Variants in COBL observed in about 807,000 individuals in gnomAD.
The protein encoded by COBL is protein cordon-bleu.
In COBL, 51 loss-of-function variants were observed where a neutral mutation model predicts 98.8. The ratio of observed to expected loss-of-function variants is 0.52; its 90% confidence interval spans 0.41 to 0.65. The LOEUF (loss-of-function observed/expected upper bound fraction) is 0.65, where lower values mean the gene tolerates loss of function less well. COBL is among the 30% of genes least tolerant of loss of function. COBL has a pLI of 0.00. For synonymous variants in COBL, 634 were observed against 651.7 expected (o/e 0.97, Z 0.41); for missense variants, 1,617 against 1,617.5 (o/e 1.00, Z 0.01).
intron 7 of COBL, among the ~76,000 whole-genome samples, chr7:51,080,825 C>G (rs1460975946): frequency 6.6e-6 from 1 of 152,176 alleles, no homozygotes; most frequent in Non-Finnish European, 1.5e-5. Flanking sequence ...TCACACCCAG[C>G]ACTCAGGCGC....
chr7:51,186,600 C>A (rs1384829261), intron 4 of COBL, among the ~76,000 whole-genome samples: 1 of 152,212 alleles, frequency 6.6e-6, no homozygotes, highest in Non-Finnish European at 1.5e-5. Context: ...CCAGGACAGC[C>A]CCGGCACCAG....
intron 1 of COBL, among the ~76,000 whole-genome samples, chr7:51,264,359 A>G (rs1169968229): frequency 2.0e-5 from 3 of 152,154 alleles, no homozygotes; most frequent in Non-Finnish European, 4.4e-5. Context: ...ACATAATTGC[A>G]AAACAAAATA....
intron 1 of COBL, among the ~76,000 whole-genome samples, chr7:51,244,352 G>A (rs1045976291): frequency 3.9e-5 from 6 of 152,154 alleles, no homozygotes; most frequent in Admixed American, 3.3e-4. Flanking sequence ...ATCCACCAAG[G>A]CATAAACAGA....
At chr7:51,067,874 T>C (rs1381618721) in intron 7 of COBL, among the ~76,000 whole-genome samples, 1 of 152,348 alleles carries the variant, frequency 6.6e-6, no homozygotes, top group Non-Finnish European at 1.5e-5. Flanking sequence ...GGCTGAAATG[T>C]GCGGGTAAAG....
At chr7:51,204,098 C>T (rs1291462694) in intron 2 of COBL, among the ~76,000 whole-genome samples, 1 of 152,176 alleles carries the variant, frequency 6.6e-6, no homozygotes, top group African/African-American at 2.4e-5. Flanking sequence ...TGATACAACA[C>T]ATCAACACAA....
At chr7:51,172,653 T>C (rs937828445) in intron 5 of COBL, 10 of 483,834 alleles carry the variant, frequency 2.1e-5, no homozygotes, top group East Asian at 9.0e-5. Flanking sequence ...CTTCACTTAA[T>C]AGGTGTAATC....
At chr7:51,273,327 CAAAA>C (rs953811880) in intron 1 of COBL, among the ~76,000 whole-genome samples, 3 of 59,472 alleles carry the variant, frequency 5.0e-5, no homozygotes, top group African/African-American at 1.5e-4. Flanking sequence ...GACTCCATCT[CAAAA>C]AAAAAAAAAA....
At chr7:51,101,523 A>C (rs1319241902) in intron 6 of COBL, among the ~76,000 whole-genome samples, 1 of 152,232 alleles carries the variant, frequency 6.6e-6, no homozygotes, top group Non-Finnish European at 1.5e-5. Context: ...GTTTGACTCT[A>C]AGCCCATCCT....
intron 1 of COBL, among the ~76,000 whole-genome samples, chr7:51,302,307 C>T (rs111697763): frequency 0.012 from 1,822 of 152,122 alleles, 41 homozygotes; most frequent in African/African-American, 0.042. Flanking sequence ...CTGGACTGGG[C>T]GCAGTGGCTC....
In COBL at chr7:51,081,258, G is replaced by A. The variant is rs534894711; in HGVS notation, c.1096+3908C>T. On this transcript the variant is annotated intron_variant, in intron 7 of 12. Transcript: ENST00000265136. Reference sequence around the variant, plus strand: ...CCCCCAACTCCATTGCTGTGGGCATGAGAGGGGAAGAGAGGGAGAAGGTGA... The same window carrying A: ...CCCCCAACTCCATTGCTGTGGGCATAAGAGGGGAAGAGAGGGAGAAGGTGA... 2.0e-4 allele frequency among the ~76,000 whole-genome samples: 31 copies of A among 152,322 alleles called. No homozygotes were observed. In the South Asian group the frequency reaches 6.2e-3, roughly 31 times the overall value.
intron 4 of COBL, among the ~76,000 whole-genome samples, chr7:51,186,133 G>C (rs888901007): frequency 1.3e-5 from 2 of 152,238 alleles, no homozygotes; most frequent in African/African-American, 4.8e-5. Context: ...GGAAAACAGA[G>C]CACACAGTTA....
At chr7:51,046,066 G>C (rs890465913) in intron 7 of COBL, among the ~76,000 whole-genome samples, 1 of 61,292 alleles carries the variant, frequency 1.6e-5, no homozygotes. Flanking sequence ...AGGTGGGGGT[G>C]GGGGGGCCTG....
chr7:51,162,967 G>A (rs930015067), intron 5 of COBL, among the ~76,000 whole-genome samples: 2 of 152,220 alleles, frequency 1.3e-5, no homozygotes, highest in Non-Finnish European at 2.9e-5. Flanking sequence ...AGCAAGAAGT[G>A]CTAAGCTAAG....
chr7:51,286,850 A>T (rs558441554), intron 1 of COBL, among the ~76,000 whole-genome samples: 44 of 152,354 alleles, frequency 2.9e-4, no homozygotes, highest in African/African-American at 1.0e-3. Context: ...AAAGACATGG[A>T]ATCAACCTAA....
At chr7:51,196,912 C>G (rs1790646675) in intron 2 of COBL, among the ~76,000 whole-genome samples, 1 of 151,808 alleles carries the variant, frequency 6.6e-6, no homozygotes, top group South Asian at 2.1e-4. Context: ...TACATCTCCT[C>G]TCTTTTCTTC....
intron 5 of COBL, among the ~76,000 whole-genome samples, chr7:51,173,127 A>G (rs552744534): frequency 1.3e-5 from 2 of 152,134 alleles, no homozygotes; most frequent in South Asian, 4.2e-4. Context: ...GCCTGAAGTG[A>G]TGGAGTTAGG....
At chr7:51,073,982 T>A (rs975571285) in intron 7 of COBL, among the ~76,000 whole-genome samples, 4 of 152,156 alleles carry the variant, frequency 2.6e-5, no homozygotes, top group Non-Finnish European at 5.9e-5. Context: ...AGTGGGAGAC[T>A]GACCTGTGGT....
chr7:51,238,774 T>A (rs2129118258), intron 1 of COBL, among the ~76,000 whole-genome samples: 1 of 152,244 alleles, frequency 6.6e-6, no homozygotes, highest in South Asian at 2.1e-4. Context: ...TGACCCTGAC[T>A]GCTGTCTCCT....
In COBL at chr7:51,191,272, T is replaced by C. The variant is rs760670635; in HGVS notation, c.457-194A>G. 4.6e-5 allele frequency among the ~76,000 whole-genome samples: 7 copies of C among 152,244 alleles called. No homozygotes were observed. In the East Asian group the frequency reaches 1.4e-3, roughly 29 times the overall value. On this transcript the variant is annotated intron_variant, in intron 3 of 12. Transcript: ENST00000265136. The stretch of plus-strand genomic sequence containing the variant: ...AAATGTCTAGAATAATAAATCTGGT[T>C]TAGAATCTCTTGCTAGTGAACAAGC...
Sources: allele counts gnomAD v4.1 joint callset (sites outside exome capture counted in the v4.1 genomes callset), GRCh38; gene constraint gnomAD v4.1.1; transcripts MANE v1.5; gene names NCBI Gene and HGNC (gene_info 2026-07-23, HGNC 2026-07-21).